Variants in CCDC192 observed in about 807,000 individuals in gnomAD.
CCDC192 encodes the protein coiled-coil domain containing 192, also known as coiled-coil domain-containing protein 192.
At chr5:127,912,440 A>AAAAAAAAAAAAAAAAAC (rs1753399912) in intron 6 of CCDC192, among the ~76,000 whole-genome samples, 1 of 150,600 alleles carries the variant, frequency 6.6e-6, no homozygotes, top group Admixed American at 6.6e-5. Flanking sequence ...AAAAAAAAAA[A>AAAAAAAAAAAAAAAAAC]TGAAGCTGTA....
At chr5:127,907,670 T>C (rs547740429) in intron 6 of CCDC192, among the ~76,000 whole-genome samples, 1 of 152,354 alleles carries the variant, frequency 6.6e-6, no homozygotes, top group East Asian at 1.9e-4. Context: ...TTCAAAAGGG[T>C]TTAAATTTTC....
chr5:127,791,450 C>T (rs1756862328), intron 3 of CCDC192, among the ~76,000 whole-genome samples: 2 of 152,168 alleles, frequency 1.3e-5, no homozygotes, highest in South Asian at 4.1e-4. Flanking sequence ...GGAACTGGTC[C>T]TGTCACAAAA....
chr5:127,801,492 C>T (rs1757506206), intron 5 of CCDC192, among the ~76,000 whole-genome samples: 1 of 152,112 alleles, frequency 6.6e-6, no homozygotes, highest in South Asian at 2.1e-4. Context: ...CCTCTCTCTG[C>T]CTTACACTGA....
At chr5:127,880,633 A>AT (rs1482336028) in intron 6 of CCDC192, among the ~76,000 whole-genome samples, 1 of 151,636 alleles carries the variant, frequency 6.6e-6, no homozygotes, top group Non-Finnish European at 1.5e-5. Flanking sequence ...ATGAAAATAA[A>AT]TTAAAAAAAA....
chr5:127,807,073 AG>A (rs1364416240), intron 5 of CCDC192, among the ~76,000 whole-genome samples: 1 of 152,194 alleles, frequency 6.6e-6, no homozygotes, highest in Non-Finnish European at 1.5e-5. Context: ...GACATTACTT[AG>A]CCCCATATAG....
At chr5:127,913,954 G>T (rs905020923) in intron 6 of CCDC192, among the ~76,000 whole-genome samples, 2 of 152,192 alleles carry the variant, frequency 1.3e-5, no homozygotes, top group African/African-American at 4.8e-5. Context: ...AGTTTGCTTT[G>T]ACTGGTATTT....
At chr5:127,912,325 A>G (rs1753391923) in intron 6 of CCDC192, among the ~76,000 whole-genome samples, 1 of 149,968 alleles carries the variant, frequency 6.7e-6, no homozygotes, top group Non-Finnish European at 1.5e-5. Context: ...GCCTCCCCTT[A>G]AAGCATAAAT....
At chr5:127,785,344 A>T (rs1756480426) in intron 3 of CCDC192, 3 of 441,224 alleles carry the variant, frequency 6.8e-6, no homozygotes, top group Non-Finnish European at 4.5e-6. Flanking sequence ...CTGAAATCCC[A>T]GTCTAGGGGT....
At chr5:127,811,953 A>T (rs1403256953) in intron 5 of CCDC192, among the ~76,000 whole-genome samples, 1 of 152,180 alleles carries the variant, frequency 6.6e-6, no homozygotes, top group Non-Finnish European at 1.5e-5. Context: ...TATAAACTGC[A>T]TGTATAGAAC....
intron 6 of CCDC192, among the ~76,000 whole-genome samples, chr5:127,939,275 A>G (rs956774271): frequency 4.6e-5 from 7 of 151,378 alleles, no homozygotes; most frequent in African/African-American, 1.2e-4. Context: ...GCACCACCAC[A>G]CCTGGCTAAT....
intron 5 of CCDC192, 86 bp from the exon 6 acceptor site, chr5:127,875,452 T>G (rs967352006): frequency 5.1e-6 from 2 of 394,276 alleles, no homozygotes; most frequent in Non-Finnish European, 8.9e-6. Context: ...TCAAAGGCAG[T>G]GTTTGTTCAG....
Position 127,763,636 on chromosome 5 carries a change from C to T in CCDC192, c.222+9261C>T, listed in dbSNP as rs561870647. Among the ~76,000 whole-genome samples, 8 of 152,202 alleles carry T rather than the reference C, an allele frequency of 5.3e-5. No individual in the cohort carries two copies. The East Asian group carries it at 5.8e-4, about 11-fold the overall frequency. ...AGATCTTACAATGCCATTTATGATC[C>T]GACCACCTGCTTGTTTCTCCAGCTT... On this transcript the variant is annotated intron_variant, in intron 3 of 6. Transcript: ENST00000514853.
At chr5:127,867,910 G>GA (rs1751679875) in intron 5 of CCDC192, among the ~76,000 whole-genome samples, 1 of 152,018 alleles carries the variant, frequency 6.6e-6, no homozygotes, top group Admixed American at 6.6e-5. Context: ...CCTGCAAGTA[G>GA]AACCTCCTTA....
chr5:127,858,357 C>T (rs1013643902), intron 5 of CCDC192, among the ~76,000 whole-genome samples: 1 of 152,180 alleles, frequency 6.6e-6, no homozygotes, highest in African/African-American at 2.4e-5. Context: ...ACAGTGTTTC[C>T]TCTGCCTTAA....
At chr5:127,708,981 G>A (rs1000582257) in intron 2 of CCDC192, among the ~76,000 whole-genome samples, 1 of 151,794 alleles carries the variant, frequency 6.6e-6, no homozygotes, top group African/African-American at 2.4e-5. Flanking sequence ...CAATTGGCTC[G>A]CAGTTCTGCA....
At chr5:127,841,841 G>T (rs1297417216) in intron 5 of CCDC192, among the ~76,000 whole-genome samples, 10 of 152,308 alleles carry the variant, frequency 6.6e-5, no homozygotes, top group African/African-American at 2.4e-4. Context: ...TTGGACCAGA[G>T]GGAACAGCTC....
At chr5:127,898,367 C>T (rs537821285) in intron 6 of CCDC192, among the ~76,000 whole-genome samples, 1 of 152,144 alleles carries the variant, frequency 6.6e-6, no homozygotes, top group Admixed American at 6.5e-5. Flanking sequence ...CCTCAGCATC[C>T]GAAAGTGCTG....
chr5:127,841,985 G>A (rs574288112), intron 5 of CCDC192, among the ~76,000 whole-genome samples: 19 of 152,314 alleles, frequency 1.2e-4, no homozygotes, highest in African/African-American at 4.3e-4. Context: ...GAGTGACAGA[G>A]GCTGTGTTGA....
rs1484005045 is a variant in CCDC192, at chr5:127,854,173, T to A, written c.412-21365T>A. On this transcript the variant is annotated intron_variant, in intron 5 of 6. Coordinates refer to ENST00000514853, the MANE Select transcript of CCDC192 (RefSeq NM_001317938.2). ...TTCATTCTCTGTCTTAGCAGGCTCATCTTTCTTGATCCTTCATTAAATCCT... is the reference window on the plus strand; with the variant it reads ...TTCATTCTCTGTCTTAGCAGGCTCAACTTTCTTGATCCTTCATTAAATCCT... Among the ~76,000 whole-genome samples the A allele has an allele frequency of 1.3e-5, 2 of 152,208 alleles. 1 individual carries two copies. Among genetic ancestry groups the A allele is most frequent in the East Asian group, 3.9e-4 (2 of 5,192 alleles).
Sources: gnomAD v4.1 joint callset for allele counts (sites outside exome capture counted in the v4.1 genomes callset) on GRCh38, gnomAD v4.1.1 for gene constraint, MANE v1.5 for transcripts, NCBI Gene and HGNC (gene_info 2026-07-23, HGNC 2026-07-21) for gene names.